The following CYREN variants were observed in gnomAD, a reference collection of about 807,000 sequenced individuals.
CYREN encodes the protein cell cycle regulator of NHEJ.
Under a neutral mutation model 9.7 loss-of-function variants are expected in CYREN, and 7 were observed. The observed-to-expected ratio is 0.72, with a 90% CI of 0.41 to 1.36. The LOEUF (loss-of-function observed/expected upper bound fraction) is 1.36. Ranked by LOEUF, CYREN falls within the 40% of genes most tolerant of loss-of-function variation. The pLI, the probability that CYREN is intolerant of heterozygous loss-of-function variation, is 0.01. For synonymous variants in CYREN, 76 were observed against 77.9 expected (o/e 0.98, Z 0.13); for missense variants, 215 against 198.1 (o/e 1.09, Z -0.51).
intron 2 of CYREN, among the ~76,000 whole-genome samples, chr7:135,119,315 C>T (rs545508484): frequency 1.2e-3 from 180 of 152,052 alleles, no homozygotes; most frequent in African/African-American, 3.8e-3. Context: ...CTGAAACCTC[C>T]GCCTCCTGGG....
At chr7:135,162,530 T>C (rs914220177), downstream of CYREN, among the ~76,000 whole-genome samples, 1 of 152,216 alleles carries the variant, frequency 6.6e-6, no homozygotes, top group Non-Finnish European at 1.5e-5. Flanking sequence ...ACAATCATGG[T>C]GAAAGGCAAA....
chr7:135,143,913 C>A (rs1480367533), intron 2 of CYREN, among the ~76,000 whole-genome samples: 1 of 152,162 alleles, frequency 6.6e-6, no homozygotes, highest in African/African-American at 2.4e-5. Context: ...TTCCCTTCCC[C>A]CATGTTCAGC....
downstream of CYREN, chr7:135,165,136 G>C: frequency 9.3e-7 from 1 of 1,078,152 alleles, no homozygotes; most frequent in Non-Finnish European, 1.3e-6. Context: ...GGGCCCCTGT[G>C]TCAAAGAGGC....
exon 3 of CYREN, chr7:135,094,256 T>C (rs1269934581): frequency 7.7e-6 from 3 of 391,976 alleles, no homozygotes; most frequent in Non-Finnish European, 1.5e-5. Flanking sequence ...ACAAAAAAGC[T>C]GAACAAACTA....
chr7:135,134,380 C>A (rs1829191003), intron 2 of CYREN, among the ~76,000 whole-genome samples: 1 of 150,400 alleles, frequency 6.6e-6, no homozygotes, highest in South Asian at 2.1e-4. Context: ...TTTACAAAAG[C>A]TCCCCCGAGG....
chr7:135,129,199 A>C, intron 2 of CYREN: 1 of 1,427,396 alleles, frequency 7.0e-7, no homozygotes, highest in Non-Finnish European at 9.9e-7. Context: ...TACTGCCCCC[A>C]CGCATGCTGC....
At chr7:135,152,256 C>T (rs1296977901) in intron 2 of CYREN, among the ~76,000 whole-genome samples, 1 of 152,232 alleles carries the variant, frequency 6.6e-6, no homozygotes, top group Non-Finnish European at 1.5e-5. Context: ...CTTCAAGGTC[C>T]ATGCTCAGAA....
At chr7:135,098,952 T>C (rs898523903) in intron 2 of CYREN, among the ~76,000 whole-genome samples, 37 of 152,108 alleles carry the variant, frequency 2.4e-4, no homozygotes, top group Non-Finnish European at 4.6e-4. Context: ...AGAAACATTA[T>C]AAAAAAATTA....
downstream of CYREN, among the ~76,000 whole-genome samples, chr7:135,162,559 C>T (rs1174051989): frequency 1.3e-5 from 2 of 152,236 alleles, no homozygotes. Context: ...AAAAGCACAT[C>T]TTACATGGCA....
intron 2 of CYREN, among the ~76,000 whole-genome samples, chr7:135,109,005 AT>A (rs1403145602): frequency 6.6e-6 from 1 of 152,098 alleles, no homozygotes; most frequent in Non-Finnish European, 1.5e-5. Flanking sequence ...GTGTTGTGAA[AT>A]TCTTGTAGTG....
downstream of CYREN, among the ~76,000 whole-genome samples, chr7:135,161,604 G>A (rs10275532): frequency 0.021 from 3,143 of 152,290 alleles, 117 homozygotes; most frequent in African/African-American, 0.071. The surrounding 1 kb of genome is among the most constrained non-coding windows in gnomAD (Gnocchi z 4.1). Flanking sequence ...GTTCCCGTCG[G>A]CAATTTTTCC....
intron 2 of CYREN, among the ~76,000 whole-genome samples, chr7:135,110,346 C>T (rs995616724): frequency 2.0e-5 from 3 of 152,334 alleles, no homozygotes; most frequent in Admixed American, 2.0e-4. Context: ...TAACTTCCCA[C>T]TTTGCTGGAG....
At chr7:135,101,582 A>G (rs927738836) in intron 2 of CYREN, among the ~76,000 whole-genome samples, 5 of 152,154 alleles carry the variant, frequency 3.3e-5, no homozygotes, top group African/African-American at 1.2e-4. Context: ...CAAGAAAATA[A>G]AAAGACATTC....
intron 2 of CYREN, among the ~76,000 whole-genome samples, chr7:135,133,313 A>G (rs1324901019): frequency 2.0e-5 from 3 of 152,266 alleles, no homozygotes; most frequent in Non-Finnish European, 4.4e-5. Context: ...AAGATGTAGC[A>G]TGTTCATAAA....
chr7:135,109,468 A>T (rs908575188), intron 2 of CYREN, among the ~76,000 whole-genome samples: 15 of 151,894 alleles, frequency 9.9e-5, no homozygotes, highest in African/African-American at 3.6e-4. Flanking sequence ...GGGGGCCCAC[A>T]TAACAAACAG....
intron 2 of CYREN, among the ~76,000 whole-genome samples, chr7:135,130,891 G>A (rs1318607782): frequency 3.3e-5 from 5 of 152,006 alleles, no homozygotes; most frequent in Admixed American, 6.6e-5. Context: ...ATTGTCTTTC[G>A]TTATCGTTGG....
intron 2 of CYREN, among the ~76,000 whole-genome samples, chr7:135,126,200 G>C (rs966808597): frequency 6.6e-6 from 1 of 152,188 alleles, no homozygotes; most frequent in Non-Finnish European, 1.5e-5. Flanking sequence ...CAAAGTCTCA[G>C]AATACAGAAT....
chr7:135,093,369 T>C (rs973482988), exon 3 of CYREN: 1 of 152,040 alleles, frequency 6.6e-6, no homozygotes, highest in South Asian at 2.1e-4. Flanking sequence ...AAAAGATCAA[T>C]AGGCAAAAAT....
At chr7:135,148,318 C>T in intron 2 of CYREN, 1 of 337,154 alleles carries the variant, frequency 3.0e-6, no homozygotes. Context: ...ACGTCTACTA[C>T]CTTGTAAGAC....
Sources: gnomAD v4.1 joint callset for allele counts (sites outside exome capture counted in the v4.1 genomes callset) on GRCh38, gnomAD v4.1.1 for gene constraint, Gnocchi (gnomAD v3.1) non-coding constraint, MANE v1.5 for transcripts, NCBI Gene and HGNC (gene_info 2026-07-23, HGNC 2026-07-21) for gene names.